SYTL5: variants seen among roughly 807,000 people sequenced by gnomAD.
The protein encoded by SYTL5 is synaptotagmin like 5.
In SYTL5, 34 loss-of-function variants were observed where a neutral mutation model predicts 55.9. The ratio of observed to expected loss-of-function variants is 0.61; its 90% CI spans 0.46 to 0.81. SYTL5 has a LOEUF of 0.81. Ranked by LOEUF, SYTL5 falls within the 30% of genes least tolerant of loss-of-function variation. The pLI, the probability that SYTL5 is intolerant of heterozygous loss-of-function variation, is 0.00. For synonymous variants in SYTL5, 221 were observed against 188.7 expected (o/e 1.17, Z -1.40); for missense variants, 637 against 546.7 (o/e 1.17, Z -1.65).
At chrX:37,964,745 T>C in the SYTL5 span, among the ~76,000 whole-genome samples, 2 of 111,204 alleles carry the variant, frequency 1.8e-5, no homozygotes, top group African/African-American at 6.5e-5. Flanking sequence ...TGTCAGAATA[T>C]TTTTGATTAC....
At chrX:38,102,523 G>C in intron 10 of SYTL5, 89 bp downstream of exon 10, 1 of 633,867 alleles carries the variant, frequency 1.6e-6, no homozygotes, top group Non-Finnish European at 2.6e-6. Flanking sequence ...ATGTTCTTAG[G>C]AAAATGTGTG....
At chrX:38,046,608 T>C (rs1212103780) in intron 2 of SYTL5, among the ~76,000 whole-genome samples, 1 of 111,537 alleles carries the variant, frequency 9.0e-6, no homozygotes, top group African/African-American at 3.3e-5. Flanking sequence ...AGCCAAACCA[T>C]ATCATTCTGC....
chrX:38,098,271 G>A lies in SYTL5; in HGVS notation c.1062+2037G>A, dbSNP rs55994606. 6.6e-3 allele frequency among the ~76,000 whole-genome samples: 729 copies of A among 111,278 alleles called. 4 individuals are homozygous for A. Among genetic ancestry groups the A allele is most frequent in the Non-Finnish European group, 0.011 (569 of 52,524 alleles). ...ATGTGAAAAGTCAAGCCACAGACTG[G>A]AAAAGTATTTTCAAATTATATATTT... On this transcript the variant is annotated intron_variant, in intron 9 of 16. Coordinates refer to ENST00000297875, the MANE Select transcript of SYTL5 (RefSeq NM_138780.3).
intron 11 of SYTL5, among the ~76,000 whole-genome samples, 162 bp from the exon 12 acceptor site, chrX:38,108,438 A>G (rs1018265290): frequency 8.9e-6 from 1 of 112,011 alleles, no homozygotes; most frequent in African/African-American, 3.2e-5. Context: ...CGGAAGGCCC[A>G]GTGTTCTATT....
chrX:38,007,300 G>A (rs1332907992), intron 1 of SYTL5, among the ~76,000 whole-genome samples: 1 of 111,475 alleles, frequency 9.0e-6, no homozygotes, highest in Non-Finnish European at 1.9e-5. Context: ...ACAGAAATGC[G>A]ATATTAACTG....
the SYTL5 span, among the ~76,000 whole-genome samples, chrX:37,897,030 T>C: frequency 6.3e-5 from 7 of 111,495 alleles, no homozygotes; most frequent in African/African-American, 2.3e-4. Context: ...GAAGATACAT[T>C]TGAACAAACA....
intron 3 of SYTL5, 66 bp from the exon 4 acceptor site, chrX:38,071,981 T>A: frequency 1.3e-6 from 1 of 772,243 alleles, no homozygotes; most frequent in Non-Finnish European, 2.0e-6. Context: ...TTATTAGGGA[T>A]TTTTGAGAGT....
At chrX:37,975,267 C>G in the SYTL5 span, among the ~76,000 whole-genome samples, 1 of 111,818 alleles carries the variant, frequency 8.9e-6, no homozygotes, top group South Asian at 3.8e-4. Context: ...CTGAGAGCTC[C>G]TCCCAGGGAC....
At chrX:38,036,688 G>T (rs915746294) in intron 2 of SYTL5, among the ~76,000 whole-genome samples, 6 of 111,816 alleles carry the variant, frequency 5.4e-5, no homozygotes, top group African/African-American at 2.0e-4. Context: ...TTCCAAAGTG[G>T]GTGGCATGAT....
chrX:38,091,615 G>A (rs955298059), intron 7 of SYTL5, among the ~76,000 whole-genome samples: 2 of 111,584 alleles, frequency 1.8e-5, no homozygotes, highest in Non-Finnish European at 1.9e-5. Context: ...AGGGAAGTGG[G>A]AGGTGGACTG....
At chrX:37,905,633 GGGCT>G in the SYTL5 span, among the ~76,000 whole-genome samples, 1 of 112,309 alleles carries the variant, frequency 8.9e-6, no homozygotes, top group African/African-American at 3.2e-5. Context: ...TTAAGTCCTG[GGGCT>G]GGCTGTGCAT....
At chrX:37,959,344 C>T in the SYTL5 span, among the ~76,000 whole-genome samples, 115 of 111,979 alleles carry the variant, frequency 1.0e-3, no homozygotes, top group African/African-American at 3.6e-3. Flanking sequence ...TCATTGCGGC[C>T]GGCCCTGAGC....
chrX:38,034,529 A>G (rs982539266), intron 2 of SYTL5, among the ~76,000 whole-genome samples: 12 of 112,508 alleles, frequency 1.1e-4, no homozygotes, highest in Non-Finnish European at 1.9e-4. Flanking sequence ...TGCCTCCAGC[A>G]CAGCTGCGAG....
intron 15 of SYTL5, among the ~76,000 whole-genome samples, chrX:38,124,870 A>T (rs953159941): frequency 9.0e-6 from 1 of 111,556 alleles, no homozygotes; most frequent in African/African-American, 3.3e-5. Context: ...AGTTTCCTAC[A>T]CATAAGCTGA....
chrX:37,948,604 C>T, the SYTL5 span, among the ~76,000 whole-genome samples: 1 of 109,946 alleles, frequency 9.1e-6, no homozygotes, highest in African/African-American at 3.3e-5. Flanking sequence ...CATCTGCCAC[C>T]ACCTCCCCGC....
chrX:38,020,164 G>T (rs1569157510), intron 1 of SYTL5, among the ~76,000 whole-genome samples: 2 of 109,892 alleles, frequency 1.8e-5, no homozygotes, highest in Admixed American at 2.0e-4. Context: ...ATAATCAGTG[G>T]ATATATGCAT....
chrX:38,033,869 C>A lies in SYTL5; in HGVS notation c.-21C>A. The A allele has an allele frequency of 1.0e-6, 1 of 990,562 alleles. No individual in the cohort carries two copies. 81.6% of individuals were successfully genotyped at this position (990,562 alleles called of 1,213,427 possible). On this transcript the variant is annotated 5_prime_UTR_variant, in exon 2 of 17. Transcript: ENST00000297875. ...TCTTGAAGATTCAACCACTGCTACTCAGAGCTGCTGCTGAAATACCATGTC... is the reference window on the plus strand; with the variant it reads ...TCTTGAAGATTCAACCACTGCTACTAAGAGCTGCTGCTGAAATACCATGTC...
the SYTL5 span, among the ~76,000 whole-genome samples, chrX:37,937,559 GA>G: frequency 8.9e-6 from 1 of 111,939 alleles, no homozygotes; most frequent in African/African-American, 3.3e-5. Flanking sequence ...AAAGCCTCTT[GA>G]AAAGAGCTCA....
chrX:38,056,664 G>C (rs1935794914), intron 3 of SYTL5, among the ~76,000 whole-genome samples: 1 of 111,938 alleles, frequency 8.9e-6, no homozygotes, highest in South Asian at 3.8e-4. Context: ...TCTAACTGGA[G>C]TGAGATAATA....
Sources: gnomAD v4.1 joint callset for allele counts (sites outside exome capture counted in the v4.1 genomes callset) on GRCh38, gnomAD v4.1.1 for gene constraint, MANE v1.5 for transcripts, NCBI Gene and HGNC (gene_info 2026-07-23, HGNC 2026-07-21) for gene names.